The following SYNE2 variants were observed in gnomAD, a reference collection of about 807,000 sequenced individuals.
The protein encoded by SYNE2 is spectrin repeat containing nuclear envelope protein 2.
In SYNE2, 431 loss-of-function variants were observed where a neutral mutation model predicts 856.3. The observed-to-expected ratio is 0.50, with a 90% CI of 0.47 to 0.55. SYNE2 has a LOEUF of 0.55. SYNE2 is among the 20% of genes least tolerant of loss of function. The probability of loss-of-function intolerance (pLI) is 0.00; values close to 1 mark genes in which losing one functional copy is unlikely to be tolerated. For synonymous variants in SYNE2, 2,923 were observed against 2,872.3 expected (o/e 1.02, Z -0.56); for missense variants, 8,129 against 8,023.2 (o/e 1.01, Z -0.50).
At chr14:63,825,037 T>A (rs1595148228) in intron 1 of SYNE2, among the ~76,000 whole-genome samples, 1 of 151,628 alleles carries the variant, frequency 6.6e-6, no homozygotes, top group Admixed American at 6.6e-5. Flanking sequence ...GAGGTGGAGG[T>A]TACAGTGACC....
chr14:63,782,382 CA>C (rs376642265), intron 1 of SYNE2, among the ~76,000 whole-genome samples: 135 of 147,024 alleles, frequency 9.2e-4, no homozygotes, highest in Non-Finnish European at 1.5e-3. Context: ...GCTGGAGAAT[CA>C]CCTGAACCCA....
intron 107 of SYNE2, chr14:64,215,590 T>G: frequency 5.2e-6 from 3 of 580,172 alleles, no homozygotes; most frequent in East Asian, 2.9e-5. Flanking sequence ...TTCAGGCCTG[T>G]GCAGAGGGAA....
intron 1 of SYNE2, among the ~76,000 whole-genome samples, chr14:63,827,864 G>A (rs912692191): frequency 1.3e-5 from 2 of 151,436 alleles, no homozygotes; most frequent in Non-Finnish European, 2.9e-5. Context: ...CATATCCATG[G>A]GTTCTACATT....
chr14:64,138,109 A>T, intron 79 of SYNE2, 126 bp downstream of exon 79: 1 of 1,057,336 alleles, frequency 9.5e-7, no homozygotes, highest in South Asian at 1.4e-5. Context: ...AGTCTAAAGC[A>T]GTTGGGTCCC....
At position 64,074,109 on chromosome 14, in the gene SYNE2, T is replaced by C; in HGVS notation, c.10839T>C (p.Asp3613=). The C allele has an allele frequency of 1.2e-6, 2 of 1,614,202 alleles. No individual in the cohort carries two copies. Among genetic ancestry groups the C allele is most frequent in the Non-Finnish European group, 1.7e-6 (2 of 1,180,034 alleles). Reference sequence around the variant, plus strand: ...CATTCCAAAATATGGCATTCCAGGATCACCCAGAAAAGTCAGAACAATTTG... The same window carrying C: ...CATTCCAAAATATGGCATTCCAGGACCACCCAGAAAAGTCAGAACAATTTG... ...TTSFQNMAFQ[D]HPEKSEQFEE... is the part of the protein sequence containing the mutation. Residue 3613 remains aspartate, a synonymous_variant, in exon 53 of 116, where the codon GAT becomes GAC. Coordinates refer to ENST00000555002, the MANE Select transcript of SYNE2 (RefSeq NM_182914.3).
At chr14:63,790,288 A>G (rs1595112458) in intron 1 of SYNE2, among the ~76,000 whole-genome samples, 1 of 151,982 alleles carries the variant, frequency 6.6e-6, no homozygotes, top group East Asian at 1.9e-4. Context: ...GGGAGCTGTG[A>G]TTGTACCACT....
At chr14:64,136,757 A>G (rs1255374714) in intron 78 of SYNE2, among the ~76,000 whole-genome samples, 1 of 152,188 alleles carries the variant, frequency 6.6e-6, no homozygotes. Context: ...CCTGGAAATG[A>G]ATTTTTCTGC....
chr14:63,945,628 G>A (rs1278188743), intron 6 of SYNE2, among the ~76,000 whole-genome samples: 1 of 151,876 alleles, frequency 6.6e-6, no homozygotes, highest in African/African-American at 2.4e-5. Flanking sequence ...ATTTTGTTCT[G>A]TTTTGTTTTT....
rs541389321 is a variant in SYNE2 at position 64,075,290 on chromosome 14, C to A, written c.10867-655C>A. Among the ~76,000 whole-genome samples, 3 of 152,300 alleles carry A rather than the reference C, an allele frequency of 2.0e-5. No homozygotes were observed. The East Asian group carries it at 5.8e-4, about 29-fold the overall frequency. On this transcript the variant is annotated intron_variant, in intron 53 of 115. Coordinates refer to ENST00000555002, the MANE Select transcript of SYNE2 (RefSeq NM_182914.3). ...TCCACTTGATCTTTGGGAAACTTTC[C>A]CATACAAATGAGTTTCTCCTTTATA...
chr14:64,037,565 CA>C (rs1379297218), intron 45 of SYNE2, among the ~76,000 whole-genome samples: 2 of 60,568 alleles, frequency 3.3e-5, no homozygotes, highest in African/African-American at 6.3e-5. Flanking sequence ...TCCGATTTCT[CA>C]ATCTTTTCCC....
At chr14:63,994,740 T>G (rs1444403975) in intron 22 of SYNE2, among the ~76,000 whole-genome samples, 1 of 152,240 alleles carries the variant, frequency 6.6e-6, no homozygotes. Context: ...TTACATTTAC[T>G]TATGTCTCCT....
At chr14:63,795,340 A>C (rs541520947) in intron 1 of SYNE2, among the ~76,000 whole-genome samples, 201 of 152,206 alleles carry the variant, frequency 1.3e-3, no homozygotes, top group Middle Eastern at 3.4e-3. Flanking sequence ...CCCAGCCTAC[A>C]TCTTTCTCCT....
chr14:63,997,328 A>T lies in SYNE2; in HGVS notation c.3180A>T (p.Arg1060Ser), dbSNP rs1371939496. Residue 1060 changes from arginine to serine, a missense_variant, in exon 25 of 116, where the codon AGA becomes AGT. Around this residue, in one of 3 missense-constraint regions of SYNE2, gnomAD observed 2,422 missense variants for 2,357.4 expected, o/e 1.03. Coordinates refer to ENST00000555002, the MANE Select transcript of SYNE2 (RefSeq NM_182914.3). Reference protein sequence around the residue: ...NEGTITTSENRGGDPHSEAPF... With the variant: ...NEGTITTSENSGGDPHSEAPF... Reference sequence around the variant, plus strand: ...GGACCATCACCACATCTGAGAATAGAGGAGGGGATCCCCACAGTGAGGCAC... The same window carrying T: ...GGACCATCACCACATCTGAGAATAGTGGAGGGGATCCCCACAGTGAGGCAC... 1 of 1,613,728 alleles carries T rather than the reference A, an allele frequency of 6.2e-7. No homozygotes were observed. Among genetic ancestry groups the T allele is most frequent in the Admixed American group, 1.7e-5 (1 of 59,920 alleles).
At chr14:63,978,514 A>G (rs566925262) in intron 13 of SYNE2, among the ~76,000 whole-genome samples, 25 of 152,360 alleles carry the variant, frequency 1.6e-4, no homozygotes, top group Middle Eastern at 3.4e-3. Context: ...CTTTTAATAT[A>G]TAAACTTAGA....
chr14:63,944,736 G>A (rs1041103578), intron 6 of SYNE2, among the ~76,000 whole-genome samples: 8 of 149,668 alleles, frequency 5.3e-5, no homozygotes, highest in African/African-American at 2.0e-4. Flanking sequence ...GGCCAGGCTG[G>A]TCTCGAACTC....
intron 45 of SYNE2, among the ~76,000 whole-genome samples, chr14:64,040,597 A>AATATATATATATATATATATGTATAT (rs3031304): frequency 7.7e-5 from 11 of 142,534 alleles, no homozygotes; most frequent in Non-Finnish European, 1.7e-4. Context: ...TGAGGTTAAA[A>AATATATATATATATATATATGTATAT]ATATATATAT....
In SYNE2 at chr14:63,909,090, A is replaced by G. The variant is rs906779565; in HGVS notation, c.-51-8A>G. ...TTACTAATGAACATTTATCCATTTC[A>G]CTTTCAGTTCACTTCTTCAACTGAG... is the stretch of plus-strand genomic sequence containing the variant. On this transcript the variant is annotated splice_region_variant and splice_polypyrimidine_tract_variant and intron_variant, in intron 1 of 115. Transcript: ENST00000555002. The G allele has an allele frequency of 8.5e-7, 1 of 1,182,756 alleles. No individual in the cohort carries two copies. The highest frequency in any genetic ancestry group is 1.5e-5 in the African/African-American group (1 of 66,544). 73.3% of individuals were successfully genotyped at this position (1,182,756 alleles called of 1,614,324 possible).
At chr14:64,018,862 T>G (rs2096914904) in intron 34 of SYNE2, among the ~76,000 whole-genome samples, 2 of 152,224 alleles carry the variant, frequency 1.3e-5, no homozygotes, top group Non-Finnish European at 2.9e-5. Flanking sequence ...AAGCTACTTT[T>G]TAAAACAACA....
chr14:64,002,946 C>T lies in SYNE2; in HGVS notation c.4013C>T (p.Ser1338Phe), dbSNP rs1226719188. The change falls in exon 30 of 116, where the codon TCT (serine) becomes TTT (phenylalanine). Residue 1338 changes from serine to phenylalanine, a missense_variant. This residue lies in a region of SYNE2 where 2,422 missense variants were observed against 2,357.4 expected (regional missense o/e 1.03). Coordinates refer to ENST00000555002, the MANE Select transcript of SYNE2 (RefSeq NM_182914.3). ...GCGTCTCTCAGAACAGCTAAACTCTCTGCTGAGCCCGTTACAGACCTTTCA... is the reference window on the plus strand; with the variant it reads ...GCGTCTCTCAGAACAGCTAAACTCTTTGCTGAGCCCGTTACAGACCTTTCA... The part of the protein sequence containing the change: ...FLASLRTAKL[S>F]AEPVTDLSAS... 3.1e-6 allele frequency: 5 copies of T among 1,614,098 alleles called. No homozygotes were observed. In the African/African-American group the frequency reaches 5.3e-5, roughly 17 times the overall value.
Sources: gnomAD v4.1 joint callset for allele counts (sites outside exome capture counted in the v4.1 genomes callset) on GRCh38, gnomAD v4.1.1 for gene constraint, gnomAD v4.1.1 regional missense constraint, MANE v1.5 for transcripts, NCBI Gene and HGNC (gene_info 2026-07-23, HGNC 2026-07-21) for gene names.